GPAM: variants seen among roughly 807,000 people sequenced by gnomAD.
The protein encoded by GPAM is glycerol-3-phosphate acyltransferase, mitochondrial.
In GPAM, 56 loss-of-function variants were observed where a neutral mutation model predicts 105.0. The ratio of observed to expected loss-of-function variants is 0.53; its 90% CI spans 0.43 to 0.67. The LOEUF is 0.67. Among genes scored for constraint, GPAM ranks in the 30% least tolerant of loss-of-function variants. The pLI, the probability that GPAM is intolerant of heterozygous loss-of-function variation, is 0.00. For missense variants in GPAM, 855 were observed against 989.8 expected (o/e 0.86, Z 1.83); for synonymous variants, 368 against 354.4 (o/e 1.04, Z -0.43).
intron 1 of GPAM, among the ~76,000 whole-genome samples, chr10:112,200,242 TATAGAGAGAG>T (rs1847781157): frequency 7.9e-6 from 1 of 126,986 alleles, no homozygotes; most frequent in African/African-American, 3.2e-5. Flanking sequence ...TATATATATA[TATAGAGAGAG>T]AGAGAGAGAG....
chr10:112,207,371 C>G (rs764830315), intron 1 of GPAM, among the ~76,000 whole-genome samples: 5 of 152,216 alleles, frequency 3.3e-5, no homozygotes, highest in African/African-American at 4.8e-5. Context: ...TAGGTCCACA[C>G]AGCTGGCAGA....
rs1410533034 is a variant in GPAM at position 112,160,661 on chromosome 10, C to T, written c.1702G>A (p.Glu568Lys). Residue 568 changes from glutamate (E) to lysine (K), a missense_variant, in exon 16 of 22, where the codon GAA becomes AAA. Coordinates refer to ENST00000348367, the MANE Select transcript of GPAM (RefSeq NM_001244949.2). ...TPSTTVPSVF[E>K]LNFYSNGVLH... is the part of the protein sequence containing the mutation. ...ACCCCATTGCTGTAGAAGTTGAGTT[C>T]GAAGACTGATGGGACAGTTGTGCTG... The T allele has an allele frequency of 8.7e-6, 14 of 1,613,474 alleles. No individual in the cohort carries two copies. Among genetic ancestry groups the T allele is most frequent in the Non-Finnish European group, 1.1e-5 (13 of 1,179,578 alleles).
upstream of GPAM, among the ~76,000 whole-genome samples, chr10:112,187,779 C>G (rs1030522991): frequency 3.3e-5 from 5 of 152,074 alleles, no homozygotes; most frequent in Admixed American, 6.5e-5. Context: ...CACAGAACAT[C>G]CACCAAGATA....
At chr10:112,155,143 T>C (rs1164752212) in intron 20 of GPAM, 3 of 202,622 alleles carry the variant, frequency 1.5e-5, no homozygotes, top group Non-Finnish European at 3.0e-5. Flanking sequence ...AGATTACCCA[T>C]TAATTAGCAG....
rs555757110 is a variant in GPAM, at chr10:112,170,513, C to T, written c.795-1561G>A. Reference sequence around the variant, plus strand: ...AGTTCCAAGAAATCCTAATTGAGAACCAAATGTGAAGGAAATGGGTATAGG... The same window carrying T: ...AGTTCCAAGAAATCCTAATTGAGAATCAAATGTGAAGGAAATGGGTATAGG... On this transcript the variant is annotated intron_variant, in intron 9 of 21. Transcript: ENST00000348367. 8.5e-5 allele frequency among the ~76,000 whole-genome samples: 13 copies of T among 152,252 alleles called. No homozygotes were observed. The East Asian group carries it at 2.5e-3, about 29-fold the overall frequency.
At chr10:112,201,839 C>A (rs1847801163) in intron 1 of GPAM, among the ~76,000 whole-genome samples, 1 of 152,130 alleles carries the variant, frequency 6.6e-6, no homozygotes, top group African/African-American at 2.4e-5. Flanking sequence ...CCAGGCCTAT[C>A]ATAGAAAAAG....
At chr10:112,216,028 TA>T (rs1342997878), upstream of GPAM, among the ~76,000 whole-genome samples, 3 of 152,094 alleles carry the variant, frequency 2.0e-5, no homozygotes, top group African/African-American at 7.2e-5. Flanking sequence ...TAGGGGCGAA[TA>T]AAGGCCCTTG....
intron 13 of GPAM, 74 bp from the exon 14 acceptor site, chr10:112,163,890 A>C: frequency 1.3e-6 from 1 of 748,380 alleles, no homozygotes. Flanking sequence ...TGATCTTTAA[A>C]TGAATTAGAT....
rs564150406 is a variant in GPAM at position 112,162,870 on chromosome 10, A to G, written c.1423+831T>C. Among the ~76,000 whole-genome samples the G allele has an allele frequency of 2.6e-5, 4 of 152,242 alleles. No homozygotes were observed. The South Asian group carries it at 8.3e-4, about 32-fold the overall frequency. ...TTTTTGTATCCAGATTTTAAGCAGGATAGAGACATAATCAAATGTGCTTGA... is the reference window on the plus strand; with the variant it reads ...TTTTTGTATCCAGATTTTAAGCAGGGTAGAGACATAATCAAATGTGCTTGA... On this transcript the variant is annotated intron_variant, in intron 14 of 21. Transcript: ENST00000348367.
Position 112,204,253 on chromosome 10 carries a change from TC to T in GPAM, n.210+10914del, listed in dbSNP as rs1186566015. 8.6e-5 allele frequency among the ~76,000 whole-genome samples: 12 copies of T among 139,904 alleles called. 1 individual carries two copies. Among genetic ancestry groups the T allele is most frequent in the Middle Eastern group, 3.5e-3 (1 of 284 alleles). The allele number at this position is 139,904 out of a possible 152,430, so 91.8% of individuals were successfully genotyped here. A position where few individuals can be genotyped will look rare whatever the true frequency, so the allele number is the denominator to read the frequency against. On this transcript the variant is annotated intron_variant and non_coding_transcript_variant, in intron 1 of 3. Transcript: ENST00000480130. ...GGTTATTACAGAATTTTTTCTTTGT[TC>T]TTTTTTTTTTTTTTTTTTGATAGGA...
chr10:112,189,977 A>G (rs1847637056), intron 1 of GPAM, among the ~76,000 whole-genome samples: 1 of 152,218 alleles, frequency 6.6e-6, no homozygotes, highest in Non-Finnish European at 1.5e-5. Flanking sequence ...CAGTTTATTT[A>G]AACAATTAAT....
intron 16 of GPAM, 197 bp downstream of exon 16, chr10:112,160,407 T>C: frequency 1.1e-6 from 1 of 931,074 alleles, no homozygotes; most frequent in Non-Finnish European, 1.3e-6. Context: ...GGTAATGCTA[T>C]ACAAACGGTA....
chr10:112,198,924 TG>T (rs906617265), intron 1 of GPAM, among the ~76,000 whole-genome samples: 2 of 150,986 alleles, frequency 1.3e-5, no homozygotes, highest in African/African-American at 4.9e-5. Context: ...GTTGTTGTTT[TG>T]TTTTTTTTTT....
chr10:112,182,621 G>T (rs1433759373), intron 2 of GPAM, among the ~76,000 whole-genome samples, 173 bp downstream of exon 2: 1 of 152,158 alleles, frequency 6.6e-6, no homozygotes, highest in African/African-American at 2.4e-5. Flanking sequence ...ATCCTGAAAG[G>T]TCATGTCTAG....
Position 112,160,022 on chromosome 10 carries a change from C to A in GPAM, c.1791G>T (p.Arg597Ser). Residue 597 changes from arginine to serine, a missense_variant, in exon 17 of 22, where the codon AGG becomes AGT. By Grantham distance (110) the Arg-to-Ser change is moderately radical (BLOSUM62 -1). Coordinates refer to ENST00000348367, the MANE Select transcript of GPAM (RefSeq NM_001244949.2). The part of the protein sequence containing the change: ...ACSLYAVLNK[R>S]GLGGPTSTPP... ...GGGTGCTAGTGGGACCCCCCAGTCC[C>A]CTCTTGTTCAGAACTGCATAAAGGC... The A allele has an allele frequency of 6.2e-7, 1 of 1,613,966 alleles. No homozygotes were observed. Among genetic ancestry groups the A allele is most frequent in the Non-Finnish European group, 8.5e-7 (1 of 1,179,892 alleles).
chr10:112,152,249 AC>A lies in GPAM; in HGVS notation c.*1300del. 2.0e-6 allele frequency: 2 copies of A among 976,446 alleles called. No homozygotes were observed. Among genetic ancestry groups the A allele is most frequent in the Non-Finnish European group, 2.4e-6 (2 of 821,838 alleles). 60.5% of individuals were successfully genotyped at this position (976,446 alleles called of 1,614,324 possible). On this transcript the variant is annotated 3_prime_UTR_variant, in exon 22 of 22. Coordinates refer to ENST00000348367, the MANE Select transcript of GPAM (RefSeq NM_001244949.2). ...AACTGTTAGAAAACGTTTTAACATT[AC>A]ATGATATTTAAAAAATCACCATAAT...
rs1846906966 is a variant in GPAM at position 112,151,025 on chromosome 10, A to G, written c.*2525T>C. On this transcript the variant is annotated 3_prime_UTR_variant, in exon 22 of 22. Coordinates refer to ENST00000348367, the MANE Select transcript of GPAM (RefSeq NM_001244949.2). Reference sequence around the variant, plus strand: ...TTGCCTTTGTTTTTCATGCATTTTCAGAGTGCACAACTTCCCTCCTCTCTT... The same window carrying G: ...TTGCCTTTGTTTTTCATGCATTTTCGGAGTGCACAACTTCCCTCCTCTCTT... 1.0e-6 allele frequency: 1 copy of G among 985,724 alleles called. No homozygotes were observed. The highest frequency in any genetic ancestry group is 1.2e-6 in the Non-Finnish European group (1 of 829,856). The allele number at this position is 985,724 out of a possible 1,614,324, so 61.1% of individuals were successfully genotyped here.
chr10:112,170,728 C>T (rs760332577), intron 9 of GPAM, among the ~76,000 whole-genome samples: 3 of 152,212 alleles, frequency 2.0e-5, no homozygotes, highest in Non-Finnish European at 4.4e-5. Flanking sequence ...AGCACATCTA[C>T]CCTGTAGAAT....
At chr10:112,181,284 C>A (rs149559246) in intron 3 of GPAM, among the ~76,000 whole-genome samples, 1 of 151,448 alleles carries the variant, frequency 6.6e-6, no homozygotes, top group African/African-American at 2.4e-5. Flanking sequence ...AGAAAATGTA[C>A]GCCTTTTGGA....
Sources: allele counts gnomAD v4.1 joint callset (sites outside exome capture counted in the v4.1 genomes callset), GRCh38; gene constraint gnomAD v4.1.1; transcripts MANE v1.5; gene names NCBI Gene and HGNC (gene_info 2026-07-23, HGNC 2026-07-21).